Variants in LZIC observed in about 807,000 individuals in gnomAD.
LZIC encodes leucine zipper and CTNNBIP1 domain containing, also known as protein LZIC.
LZIC carries 28 observed loss-of-function variants against 25.4 expected under a neutral mutation model. That is an observed-to-expected ratio of 1.10 (90% CI 0.82 to 1.51). LZIC has a LOEUF of 1.51. LZIC is among the 40% of genes most tolerant of loss of function. The pLI, the probability that LZIC is intolerant of heterozygous loss-of-function variation, is 0.00. For missense variants in LZIC, 170 were observed against 211.1 expected (o/e 0.81, Z 1.21); for synonymous variants, 65 against 70.7 (o/e 0.92, Z 0.40).
downstream of LZIC, among the ~76,000 whole-genome samples, chr1:9,926,129 C>T (rs1639976719): frequency 6.6e-6 from 1 of 151,970 alleles, no homozygotes; most frequent in African/African-American, 2.4e-5. Context: ...TTATGATCTG[C>T]CCGCCTCCGC....
chr1:9,928,682 G>A lies in LZIC; in HGVS notation c.*1717C>T, dbSNP rs1015915877. On this transcript the variant is annotated 3_prime_UTR_variant, in exon 8 of 8. Coordinates refer to ENST00000377223, the MANE Select transcript of LZIC (RefSeq NM_032368.5). Reference sequence around the variant, plus strand: ...ACCTGAGGTCAGCTCAGGACCAGCTGGGCCAACATGGTGAAACCCTGTCTC... The same window carrying A: ...ACCTGAGGTCAGCTCAGGACCAGCTAGGCCAACATGGTGAAACCCTGTCTC... 6.6e-6 allele frequency among the ~76,000 whole-genome samples: 1 copy of A among 151,934 alleles called. No homozygotes were observed. Among genetic ancestry groups the A allele is most frequent in the Non-Finnish European group, 1.5e-5 (1 of 67,980 alleles).
chr1:9,935,440 G>C, intron 4 of LZIC, 52 bp downstream of exon 4: 1 of 1,538,564 alleles, frequency 6.5e-7, no homozygotes, highest in Non-Finnish European at 8.7e-7. Flanking sequence ...ACAAAAACAA[G>C]AACAAACAAA....
At position 9,942,694 on chromosome 1, in the gene LZIC, C is replaced by A. The variant is rs983561261; in HGVS notation, c.-79G>T. 1.6e-6 allele frequency: 2 copies of A among 1,289,152 alleles called. No individual in the cohort carries two copies. Among genetic ancestry groups the A allele is most frequent in the African/African-American group, 3.0e-5 (2 of 65,858 alleles). 79.9% of individuals were successfully genotyped at this position (1,289,152 alleles called of 1,614,324 possible). Reference sequence around the variant, plus strand: ...AATTGCACAAACCTCCAGTTCTTGACGTTCCGAGTGTCATAAACTTGAGGA... The same window carrying A: ...AATTGCACAAACCTCCAGTTCTTGAAGTTCCGAGTGTCATAAACTTGAGGA... On this transcript the variant is annotated 5_prime_UTR_variant, in exon 2 of 8. Transcript: ENST00000377223.
At chr1:9,932,761 T>G in intron 6 of LZIC, 42 bp downstream of exon 6, 1 of 1,133,250 alleles carries the variant, frequency 8.8e-7, no homozygotes, top group Non-Finnish European at 1.3e-6. Flanking sequence ...TACCAAATAA[T>G]TCATACTTTT....
At chr1:9,941,922 T>TA (rs1451640967) in intron 2 of LZIC, among the ~76,000 whole-genome samples, 4 of 152,012 alleles carry the variant, frequency 2.6e-5, no homozygotes, top group Admixed American at 2.6e-4. Flanking sequence ...TCTTTTTTTT[T>TA]AAAATTTTTT....
downstream of LZIC, among the ~76,000 whole-genome samples, chr1:9,924,416 GC>G (rs1216484145): frequency 2.0e-5 from 3 of 151,536 alleles, no homozygotes; most frequent in Non-Finnish European, 4.4e-5. Context: ...GTGCAGTGGC[GC>G]GATCTCAGCT....
At chr1:9,931,594 G>T (rs1316529602) in intron 7 of LZIC, among the ~76,000 whole-genome samples, 3 of 152,132 alleles carry the variant, frequency 2.0e-5, no homozygotes, top group African/African-American at 4.8e-5. Context: ...TGAAGACAAA[G>T]GGTCTCACCA....
rs1347047029 is a variant in LZIC at position 9,942,744 on chromosome 1, C to A, written c.-129G>T. 2.4e-6 allele frequency: 3 copies of A among 1,250,136 alleles called. No individual in the cohort carries two copies. The Admixed American group carries it at 6.9e-5, about 29-fold the overall frequency. 77.4% of individuals were successfully genotyped at this position (1,250,136 alleles called of 1,614,324 possible). ...AAAATGAAATTATTCATCAGGACTA[C>A]AAAAGGCTCAAAGTTCAAACCACCT... On this transcript the variant is annotated 5_prime_UTR_variant, in exon 2 of 8. Coordinates refer to ENST00000377223, the MANE Select transcript of LZIC (RefSeq NM_032368.5).
chr1:9,932,841 C>T lies in LZIC; in HGVS notation c.394G>A (p.Val132Met). Residue 132 changes from valine to methionine, a missense_variant, in exon 6 of 8, where the codon GTG (valine) becomes ATG (methionine). Transcript: ENST00000377223. Reference protein sequence around the residue: ...LERDLYTQQKVEILTALRKLG... With the variant: ...LERDLYTQQKMEILTALRKLG... The stretch of plus-strand genomic sequence containing the variant: ...TTCCTAAGAGCTGTTAGTATCTCCA[C>T]TTTCTGTTGAGTGTACAGGTCTCTT... 3 of 1,612,906 alleles carry T rather than the reference C, an allele frequency of 1.9e-6. No individual in the cohort carries two copies. The highest frequency in any genetic ancestry group is 2.5e-6 in the Non-Finnish European group (3 of 1,179,056).
At chr1:9,942,516 G>A (rs1240547694) in intron 2 of LZIC, 108 bp downstream of exon 2, 4 of 358,718 alleles carry the variant, frequency 1.1e-5, no homozygotes, top group African/African-American at 8.5e-5. Context: ...TTAACTCGTT[G>A]GCACCACCTA....
At chr1:9,924,009 C>A (rs1035324044), downstream of LZIC, among the ~76,000 whole-genome samples, 9 of 152,232 alleles carry the variant, frequency 5.9e-5, no homozygotes, top group African/African-American at 2.2e-4. Context: ...ACCTCAGCCT[C>A]CCAAAGTGCT....
intron 2 of LZIC, among the ~76,000 whole-genome samples, chr1:9,939,422 G>A (rs987372648): frequency 3.5e-5 from 5 of 144,090 alleles, no homozygotes; most frequent in Non-Finnish European, 6.0e-5. Context: ...CTGGAGTGCA[G>A]TAGGCTGGAG....
Position 9,927,475 on chromosome 1 carries a change from T to TG in LZIC, c.*2923_*2924insC, listed in dbSNP as rs1225550866. Among the ~76,000 whole-genome samples, 1 of 151,728 alleles carries TG rather than the reference T, an allele frequency of 6.6e-6. No individual in the cohort carries two copies. The highest frequency in any genetic ancestry group is 1.9e-4 in the East Asian group (1 of 5,162). On this transcript the variant is annotated 3_prime_UTR_variant, in exon 8 of 8. Coordinates refer to ENST00000377223, the MANE Select transcript of LZIC (RefSeq NM_032368.5). ...TGCCATCACGCCTGGCTAATTTTTT[T>TG]TTTTTTTTTAGAGACAGGGTTTCAC...
Position 9,926,495 on chromosome 1 carries a change from C to CT in LZIC, c.*3903dup, listed in dbSNP as rs1471295908. On this transcript the variant is annotated 3_prime_UTR_variant, in exon 8 of 8. Transcript: ENST00000377223. The stretch of plus-strand genomic sequence containing the variant: ...AGTTAACAACCCATTTGTCCCAACT[C>CT]TAACTCTTCCTGGGAACAATTCCTC... Among the ~76,000 whole-genome samples, 1 of 152,210 alleles carries CT rather than the reference C, an allele frequency of 6.6e-6. No homozygotes were observed. The highest frequency in any genetic ancestry group is 6.5e-5 in the Admixed American group (1 of 15,276).
chr1:9,943,148 G>C (rs758465100), intron 1 of LZIC, 101 bp downstream of exon 1: 5 of 177,244 alleles, frequency 2.8e-5, no homozygotes, highest in Non-Finnish European at 5.0e-5. Flanking sequence ...GGAACTTGAA[G>C]TCCGGCACGT....
At chr1:9,939,481 A>T (rs1220402) in intron 2 of LZIC, among the ~76,000 whole-genome samples, 11 of 145,892 alleles carry the variant, frequency 7.5e-5, no homozygotes, top group Non-Finnish European at 1.5e-4. Flanking sequence ...CCTGGGCTCA[A>T]GTGATTCTCC....
intron 2 of LZIC, among the ~76,000 whole-genome samples, chr1:9,939,119 C>A (rs1207862676): frequency 6.6e-6 from 1 of 152,186 alleles, no homozygotes; most frequent in Non-Finnish European, 1.5e-5. Flanking sequence ...GCTCTGTCGC[C>A]CCGACTGGAG....
chr1:9,923,743 CT>C (rs1237855269), downstream of LZIC, among the ~76,000 whole-genome samples: 1 of 151,492 alleles, frequency 6.6e-6, no homozygotes, highest in Non-Finnish European at 1.5e-5. Context: ...CATTATATTG[CT>C]TTTATTTATA....
downstream of LZIC, among the ~76,000 whole-genome samples, chr1:9,924,266 A>G (rs976961794): frequency 1.3e-5 from 2 of 152,256 alleles, no homozygotes; most frequent in African/African-American, 2.4e-5. Flanking sequence ...ATGCCGCTAT[A>G]TATCTAAATG....
Sources: gnomAD v4.1 joint callset for allele counts (sites outside exome capture counted in the v4.1 genomes callset) on GRCh38, gnomAD v4.1.1 for gene constraint, MANE v1.5 for transcripts, NCBI Gene and HGNC (gene_info 2026-07-23, HGNC 2026-07-21) for gene names.